PKDCC: variants seen among roughly 807,000 people sequenced by gnomAD.
The protein encoded by PKDCC is extracellular tyrosine-protein kinase PKDCC.
Under a neutral mutation model 44.7 loss-of-function variants are expected in PKDCC, and 35 were observed. The observed-to-expected ratio is 0.78, with a 90% CI of 0.60 to 1.04. The LOEUF is 1.04. Among genes scored for constraint, PKDCC ranks in the 50% least tolerant of loss-of-function variants. The pLI is 0.00. For missense variants in PKDCC, 738 were observed against 672.7 expected, an observed-to-expected ratio of 1.10 and a Z score of -1.07; for synonymous variants, 353 against 303.3, an observed-to-expected ratio of 1.16 and a Z score of -1.70.
rs984069553 is a variant in PKDCC, at chr2:42,058,022, A to G, written c.*334A>G. 29 of 360,098 alleles carry G rather than the reference A, an allele frequency of 8.1e-5. No individual in the cohort carries two copies. The highest frequency in any genetic ancestry group is 1.3e-4 in the Non-Finnish European group (26 of 193,020). 22.3% of individuals were successfully genotyped at this position (360,098 alleles called of 1,614,324 possible). ...CTGGGACGGTTCCGTGGGCAGCCCCATCACTGTGTTCAATAGTGTGAGAAT... is the reference window on the plus strand; with the variant it reads ...CTGGGACGGTTCCGTGGGCAGCCCCGTCACTGTGTTCAATAGTGTGAGAAT... On this transcript the variant is annotated 3_prime_UTR_variant, in exon 7 of 7. Transcript: ENST00000294964. This position sits in a 1 kb window ranked among gnomAD's most constrained non-coding sequence, Gnocchi z 4.2.
At chr2:42,049,782 C>G (rs1280838312) in intron 1 of PKDCC, among the ~76,000 whole-genome samples, 2 of 152,276 alleles carry the variant, frequency 1.3e-5, no homozygotes, top group South Asian at 2.1e-4. Flanking sequence ...AGGTCTCCCC[C>G]CATCCTAAGA....
chr2:42,051,636 C>T lies in PKDCC; in HGVS notation c.640-1603C>T, dbSNP rs1288614269. Among the ~76,000 whole-genome samples, 1 of 152,150 alleles carries T rather than the reference C, an allele frequency of 6.6e-6. No homozygotes were observed. Among genetic ancestry groups the T allele is most frequent in the Non-Finnish European group, 1.5e-5 (1 of 68,022 alleles). Reference sequence around the variant, plus strand: ...GGGCAAGAAAATGAGAACCAGGCCCCAGGGCTGTTCCCCTTACCTTCCCCC... The same window carrying T: ...GGGCAAGAAAATGAGAACCAGGCCCTAGGGCTGTTCCCCTTACCTTCCCCC... On this transcript the variant is annotated intron_variant, in intron 1 of 6. Transcript: ENST00000294964. This position sits in a 1 kb window ranked among gnomAD's most constrained non-coding sequence, Gnocchi z 4.2.
At chr2:42,053,713 C>T (rs932279047) in intron 2 of PKDCC, among the ~76,000 whole-genome samples, 42 of 152,294 alleles carry the variant, frequency 2.8e-4, no homozygotes, top group African/African-American at 9.9e-4. Context: ...CCTGACCCTC[C>T]CGATATTTCC....
chr2:42,048,558 GC>G lies in PKDCC; in HGVS notation c.362del (p.Pro121GlnfsTer109), dbSNP rs1408935815. Reference protein sequence around the residue: ...DGAPGWPPAPGPGSPGPGPRL... With the variant: ...DGAPGWPPAPXPGSPGPGPRL... The stretch of plus-strand genomic sequence containing the variant: ...GCCCCAGGCTGGCCCCCGGCTCCCG[GC>G]CCAGGCTCCCCCGGCCCGGGCCCGC... On this transcript the variant is annotated frameshift_variant, in exon 1 of 7. Transcript: ENST00000294964. LOFTEE classifies it high-confidence loss of function. The surrounding 1 kb of genome is among the most constrained non-coding windows in gnomAD (Gnocchi z 6.2). 2 of 1,299,710 alleles carry G rather than the reference GC, an allele frequency of 1.5e-6. No individual in the cohort carries two copies. Among genetic ancestry groups the G allele is most frequent in the Non-Finnish European group, 9.7e-7 (1 of 1,031,058 alleles). The allele number at this position is 1,299,710 out of a possible 1,614,324, so 80.5% of individuals were successfully genotyped here. A position where few individuals can be genotyped will look rare whatever the true frequency, so the allele number is the denominator to read the frequency against.
intron 2 of PKDCC, 138 bp from the exon 3 acceptor site, chr2:42,053,898 T>C: frequency 9.3e-7 from 1 of 1,072,664 alleles, no homozygotes; most frequent in South Asian, 1.6e-5. Flanking sequence ...TTGGCCTTTG[T>C]GGAGCCCTGG....
intron 1 of PKDCC, among the ~76,000 whole-genome samples, chr2:42,053,025 G>A (rs990365955): frequency 1.3e-5 from 2 of 152,192 alleles, no homozygotes; most frequent in Non-Finnish European, 2.9e-5. Context: ...TACCTGAGTC[G>A]GAAGGGGTGA....
intron 5 of PKDCC, among the ~76,000 whole-genome samples, chr2:42,056,907 G>A (rs575203780): frequency 1.3e-5 from 2 of 152,298 alleles, no homozygotes; most frequent in African/African-American, 2.4e-5. Flanking sequence ...AGACAGCTGG[G>A]ACTCCATGTG....
Position 42,048,312 on chromosome 2 carries a change from C to G in PKDCC, c.113C>G (p.Ser38Cys), listed in dbSNP as rs1406442141. ...PGSEPPRPGQSPEPSPAPGPG... is the reference protein window; with the variant it reads ...PGSEPPRPGQCPEPSPAPGPG... ...TCGGAGCCTCCGAGGCCAGGCCAGT[C>G]CCCTGAGCCTTCGCCGGCCCCGGGT... The change falls in exon 1 of 7, where the codon TCC (serine) becomes TGC (cysteine). Residue 38 changes from serine (S) to cysteine (C), a missense_variant. Coordinates refer to ENST00000294964, the MANE Select transcript of PKDCC (RefSeq NM_138370.3). This position sits in a 1 kb window ranked among gnomAD's most constrained non-coding sequence, Gnocchi z 6.2. 3.3e-6 allele frequency: 4 copies of G among 1,208,338 alleles called. No homozygotes were observed. Among genetic ancestry groups the G allele is most frequent in the Non-Finnish European group, 4.1e-6 (4 of 971,290 alleles). 74.9% of individuals were successfully genotyped at this position (1,208,338 alleles called of 1,614,324 possible). A position where few individuals can be genotyped will look rare whatever the true frequency, so the allele number is the denominator to read the frequency against.
rs988919629 is a variant in PKDCC, at chr2:42,048,534, C to G, written c.335C>G (p.Ala112Gly). ...TGGGCCCGGCCCCTGTCCGACGGCG[C>G]CCCAGGCTGGCCCCCGGCTCCCGGC... ...PPWARPLSDG[A>G]PGWPPAPGPG... The change falls in exon 1 of 7, where the codon GCC (alanine) becomes GGC (glycine). Residue 112 changes from alanine to glycine, a missense_variant. Ala to Gly is a moderately conservative substitution (Grantham distance 60, BLOSUM62 0). Coordinates refer to ENST00000294964, the MANE Select transcript of PKDCC (RefSeq NM_138370.3). This position sits in a 1 kb window ranked among gnomAD's most constrained non-coding sequence, Gnocchi z 6.2. 8.1e-6 allele frequency: 10 copies of G among 1,238,640 alleles called. No individual in the cohort carries two copies. In the African/African-American group the frequency reaches 1.4e-4, roughly 18 times the overall value. The allele number at this position is 1,238,640 out of a possible 1,614,324, so 76.7% of individuals were successfully genotyped here.
chr2:42,048,534 C>T lies in PKDCC; in HGVS notation c.335C>T (p.Ala112Val). Residue 112 changes from alanine to valine, a missense_variant, in exon 1 of 7, where the codon GCC (alanine) becomes GTC (valine). By Grantham distance (64) the Ala-to-Val change is moderately conservative. Transcript: ENST00000294964. The surrounding 1 kb of genome is among the most constrained non-coding windows in gnomAD (Gnocchi z 6.2). ...TGGGCCCGGCCCCTGTCCGACGGCGCCCCAGGCTGGCCCCCGGCTCCCGGC... is the reference window on the plus strand; with the variant it reads ...TGGGCCCGGCCCCTGTCCGACGGCGTCCCAGGCTGGCCCCCGGCTCCCGGC... ...PPWARPLSDGAPGWPPAPGPG... is the reference protein window; with the variant it reads ...PPWARPLSDGVPGWPPAPGPG... 2 of 1,238,748 alleles carry T rather than the reference C, an allele frequency of 1.6e-6. No homozygotes were observed. The highest frequency in any genetic ancestry group is 2.0e-6 in the Non-Finnish European group (2 of 996,864). 76.7% of individuals were successfully genotyped at this position (1,238,748 alleles called of 1,614,324 possible).
chr2:42,058,451 G>A lies in PKDCC; in HGVS notation c.*763G>A, dbSNP rs969049224. 1.3e-5 allele frequency: 2 copies of A among 152,360 alleles called. No individual in the cohort carries two copies. Among genetic ancestry groups the A allele is most frequent in the Non-Finnish European group, 1.5e-5 (1 of 68,006 alleles). The allele number at this position is 152,360 out of a possible 1,614,324, so 9.4% of individuals were successfully genotyped here. ...TCCAGAATCTTTTGTACTTCTTGTT[G>A]GTTAAATTGTTTATTTTTGTAAAAA... On this transcript the variant is annotated 3_prime_UTR_variant, in exon 7 of 7. Transcript: ENST00000294964. This position sits in a 1 kb window ranked among gnomAD's most constrained non-coding sequence, Gnocchi z 4.2.
chr2:42,052,226 C>G lies in PKDCC; in HGVS notation c.640-1013C>G, dbSNP rs1667980158. On this transcript the variant is annotated intron_variant, in intron 1 of 6. Transcript: ENST00000294964. The surrounding 1 kb of genome is among the most constrained non-coding windows in gnomAD (Gnocchi z 4.3). The stretch of plus-strand genomic sequence containing the variant: ...CACTACCACCCCCACTGATACACAT[C>G]ACTCATATGCAAAACACACCTGGGG... Among the ~76,000 whole-genome samples, 1 of 152,146 alleles carries G rather than the reference C, an allele frequency of 6.6e-6. No homozygotes were observed. The highest frequency in any genetic ancestry group is 2.4e-5 in the African/African-American group (1 of 41,438).
rs145926479 is a variant in PKDCC, at chr2:42,057,603, G to A, written c.1397G>A (p.Gly466Asp). ...GTTACCTCTCACCTCTGCCCCCCAG[G>A]TCGGCAGCTGGTCTTTTTCAAGACT... ...FVVTNQTTWT[G>D]RQLVFFKTGW... is the part of the protein sequence containing the mutation. The change falls in exon 7 of 7, where the codon GGT (glycine) becomes GAT (aspartate). Residue 466 changes from glycine to aspartate, a missense_variant and splice_region_variant. By Grantham distance (94) the Gly-to-Asp change is moderately conservative. Coordinates refer to ENST00000294964, the MANE Select transcript of PKDCC (RefSeq NM_138370.3). 6 of 1,613,650 alleles carry A rather than the reference G, an allele frequency of 3.7e-6. No individual in the cohort carries two copies. The highest frequency in any genetic ancestry group is 4.5e-5 in the East Asian group (2 of 44,870).
chr2:42,056,743 AAC>A (rs1176735625), intron 5 of PKDCC, among the ~76,000 whole-genome samples: 1 of 151,950 alleles, frequency 6.6e-6, no homozygotes, highest in Non-Finnish European at 1.5e-5. Flanking sequence ...TAGTCTAGGC[AAC>A]AGAGTGAGAC....
chr2:42,053,279 A>G lies in PKDCC; in HGVS notation c.680A>G (p.Asp227Gly). The G allele has an allele frequency of 6.2e-7, 1 of 1,613,490 alleles. No individual in the cohort carries two copies. Among genetic ancestry groups the G allele is most frequent in the Non-Finnish European group, 8.5e-7 (1 of 1,179,832 alleles). Reference protein sequence around the residue: ...YCYQDSEDIPDTLTTITELGA... With the variant: ...YCYQDSEDIPGTLTTITELGA... ...TACCAGGACAGCGAGGACATCCCAG[A>G]CACCCTGACCACCATCACGGAGCTG... Residue 227 changes from aspartate (D) to glycine (G), a missense_variant, in exon 2 of 7, where the codon GAC (aspartate) becomes GGC (glycine). Physicochemically the swap from Asp to Gly is moderately conservative, Grantham distance 94 (BLOSUM62 -1). Coordinates refer to ENST00000294964, the MANE Select transcript of PKDCC (RefSeq NM_138370.3).
At position 42,048,225 on chromosome 2, in the gene PKDCC, C is replaced by T. The variant is rs1391077543; in HGVS notation, c.26C>T (p.Ala9Val). Reference protein sequence around the residue: MRRRRAAVAAGFCASFLLG... With the variant: MRRRRAAVVAGFCASFLLG... ...ATGCGGCGCCGGCGGGCGGCAGTGG[C>T]CGCGGGTTTCTGCGCCTCCTTCCTG... Residue 9 changes from alanine (A) to valine (V), a missense_variant, in exon 1 of 7, where the codon GCC (alanine) becomes GTC (valine). Ala to Val is a moderately conservative substitution (Grantham distance 64). Coordinates refer to ENST00000294964, the MANE Select transcript of PKDCC (RefSeq NM_138370.3). This position sits in a 1 kb window ranked among gnomAD's most constrained non-coding sequence, Gnocchi z 6.2. 9 of 1,240,564 alleles carry T rather than the reference C, an allele frequency of 7.3e-6. No homozygotes were observed. The highest frequency in any genetic ancestry group is 4.2e-5 in the East Asian group (1 of 23,936). The allele number at this position is 1,240,564 out of a possible 1,614,324, so 76.8% of individuals were successfully genotyped here.
chr2:42,054,335 C>G lies in PKDCC; in HGVS notation c.1034+28C>G. 6.3e-7 allele frequency: 1 copy of G among 1,575,498 alleles called. No individual in the cohort carries two copies. Among genetic ancestry groups the G allele is most frequent in the Admixed American group, 1.8e-5 (1 of 56,110 alleles). ...GACCTCCACCCCTGACTCGGGAACT[C>G]CATCGAAGGAGAATGGGCCAGGAGG... On this transcript the variant is annotated intron_variant, in intron 3 of 6. Coordinates refer to ENST00000294964, the MANE Select transcript of PKDCC (RefSeq NM_138370.3). The surrounding 1 kb of genome is among the most constrained non-coding windows in gnomAD (Gnocchi z 6.1).
chr2:42,050,066 A>G (rs1440741864), intron 1 of PKDCC, among the ~76,000 whole-genome samples: 1 of 152,018 alleles, frequency 6.6e-6, no homozygotes, highest in Non-Finnish European at 1.5e-5. Flanking sequence ...ACTGGCCCAA[A>G]AGTTGTTTAT....
rs375308650 is a variant in PKDCC at position 42,055,281 on chromosome 2, T to A, written c.1115-5T>A. 3 of 1,611,660 alleles carry A rather than the reference T, an allele frequency of 1.9e-6. No homozygotes were observed. The highest frequency in any genetic ancestry group is 1.1e-5 in the South Asian group (1 of 90,400). ...ATCCTGTCTTAGCCACACTGCACTC[T>A]GCAGGAGAGCTCGCCTGGGGGGTGG... On this transcript the variant is annotated splice_region_variant and splice_polypyrimidine_tract_variant and intron_variant, in intron 4 of 6. Coordinates refer to ENST00000294964, the MANE Select transcript of PKDCC (RefSeq NM_138370.3). The surrounding 1 kb of genome is among the most constrained non-coding windows in gnomAD (Gnocchi z 4.5).
Sources: gnomAD v4.1 joint callset for allele counts (sites outside exome capture counted in the v4.1 genomes callset) on GRCh38, gnomAD v4.1.1 for gene constraint, Gnocchi (gnomAD v3.1) non-coding constraint, MANE v1.5 for transcripts, NCBI Gene and HGNC (gene_info 2026-07-23, HGNC 2026-07-21) for gene names.